The following L3MBTL3 variants were observed in gnomAD, a reference collection of about 807,000 sequenced individuals.
L3MBTL3 encodes the protein lethal(3)malignant brain tumor-like protein 3.
L3MBTL3 carries 27 observed loss-of-function variants against 102.3 expected under a neutral mutation model. The ratio of observed to expected loss-of-function variants is 0.26; its 90% confidence interval spans 0.19 to 0.36. The LOEUF is 0.36. L3MBTL3 is among the 10% of genes least tolerant of loss of function. L3MBTL3 has a pLI of 1.00. For missense variants in L3MBTL3, 798 were observed against 955.3 expected (o/e 0.84, Z 2.17); for synonymous variants, 340 against 320.9 (o/e 1.06, Z -0.64).
chr6:130,075,787 C>T (rs193259466), intron 13 of L3MBTL3, among the ~76,000 whole-genome samples: 9 of 152,176 alleles, frequency 5.9e-5, no homozygotes, highest in Non-Finnish European at 1.3e-4. Context: ...GGCACCAAGT[C>T]TCCTAGGAGC....
chr6:130,078,385 T>C (rs565832085), intron 13 of L3MBTL3, among the ~76,000 whole-genome samples, 173 bp from the exon 14 acceptor site: 1 of 152,294 alleles, frequency 6.6e-6, no homozygotes, highest in South Asian at 2.1e-4. Flanking sequence ...AAAATCCACT[T>C]GGTATTAATA....
chr6:130,054,942 G>A (rs1318917345), intron 7 of L3MBTL3: 3 of 467,468 alleles, frequency 6.4e-6, no homozygotes, highest in East Asian at 4.3e-5. Flanking sequence ...AGCGGGGAGC[G>A]GTGTCCATGC....
chr6:130,050,695 G>A (rs7746589), intron 5 of L3MBTL3, among the ~76,000 whole-genome samples: 81,681 of 152,032 alleles, frequency 0.54, 25,381 homozygotes, highest in East Asian at 0.76. Context: ...GAATAAATTG[G>A]TGCCTAATAA....
At chr6:130,080,672 A>G (rs982115080) in intron 14 of L3MBTL3, among the ~76,000 whole-genome samples, 3 of 152,240 alleles carry the variant, frequency 2.0e-5, no homozygotes, top group Admixed American at 6.5e-5. Context: ...GAGAAAAAAA[A>G]AATAGCTTTT....
intron 4 of L3MBTL3, 99 bp from the exon 5 acceptor site, chr6:130,049,657 C>A: frequency 2.2e-6 from 3 of 1,344,482 alleles, no homozygotes; most frequent in Non-Finnish European, 3.2e-6. Flanking sequence ...GTAGCCTACA[C>A]AGGTGATTTA....
chr6:130,029,416 G>A (rs1420327982), intron 2 of L3MBTL3, among the ~76,000 whole-genome samples: 4 of 152,182 alleles, frequency 2.6e-5, no homozygotes, highest in Admixed American at 2.0e-4. Flanking sequence ...ACATGAGGAC[G>A]TTTTTATGCC....
At position 130,139,902 on chromosome 6, in the gene L3MBTL3, A is replaced by G; in HGVS notation, c.*149A>G. 1 of 697,294 alleles carries G rather than the reference A, an allele frequency of 1.4e-6. No individual in the cohort carries two copies. The highest frequency in any genetic ancestry group is 2.4e-6 in the Non-Finnish European group (1 of 421,052). The allele number at this position is 697,294 out of a possible 1,614,324, so 43.2% of individuals were successfully genotyped here. On this transcript the variant is annotated 3_prime_UTR_variant, in exon 23 of 23. Transcript: ENST00000361794. ...TTATTTATATTACTCAAGAGACAAT[A>G]TATATGAATTCTTATGAAAGTGCTT...
intron 14 of L3MBTL3, among the ~76,000 whole-genome samples, chr6:130,081,227 A>G (rs2115096980): frequency 6.6e-6 from 1 of 152,348 alleles, no homozygotes; most frequent in Admixed American, 6.5e-5. Context: ...ATCTCTATTA[A>G]TATTTTAATG....
intron 15 of L3MBTL3, 104 bp downstream of exon 15, chr6:130,083,809 A>G (rs1783510953): frequency 3.9e-6 from 2 of 515,308 alleles, no homozygotes; most frequent in Admixed American, 3.8e-5. Flanking sequence ...GGAATGAGAA[A>G]AAAATAGAGC....
At chr6:130,122,570 A>G (rs1562332413) in intron 20 of L3MBTL3, among the ~76,000 whole-genome samples, 1 of 152,234 alleles carries the variant, frequency 6.6e-6, no homozygotes, top group African/African-American at 2.4e-5. Context: ...GCTTGCTTAG[A>G]ACAGTGCCTG....
intron 20 of L3MBTL3, among the ~76,000 whole-genome samples, chr6:130,123,519 A>G (rs1786383732): frequency 6.6e-6 from 1 of 152,140 alleles, no homozygotes; most frequent in South Asian, 2.1e-4. Flanking sequence ...GTTCTCCTTT[A>G]CTGTCTCATC....
At chr6:130,137,057 T>C (rs932001908) in intron 22 of L3MBTL3, among the ~76,000 whole-genome samples, 1 of 152,272 alleles carries the variant, frequency 6.6e-6, no homozygotes, top group African/African-American at 2.4e-5. Flanking sequence ...TATTCCCTGC[T>C]ATATGTCTAA....
chr6:130,104,650 T>G lies in L3MBTL3; in HGVS notation c.1886+75T>G, dbSNP rs1784882985. ...GAGATTTTTTATCTTTTAGATATTTTATTTCCTATAGCAATGTTTTCTTGG... is the reference window on the plus strand; with the variant it reads ...GAGATTTTTTATCTTTTAGATATTTGATTTCCTATAGCAATGTTTTCTTGG... On this transcript the variant is annotated intron_variant, in intron 19 of 22. Coordinates refer to ENST00000361794, the MANE Select transcript of L3MBTL3 (RefSeq NM_032438.4). The G allele has an allele frequency of 2.7e-6, 3 of 1,092,228 alleles. No homozygotes were observed. The Admixed American group carries it at 9.0e-5, about 33-fold the overall frequency. The allele number at this position is 1,092,228 out of a possible 1,614,324, so 67.7% of individuals were successfully genotyped here. A position where few individuals can be genotyped will look rare whatever the true frequency, so the allele number is the denominator to read the frequency against.
intron 2 of L3MBTL3, among the ~76,000 whole-genome samples, chr6:130,024,663 AGGAT>A (rs1779223577): frequency 6.6e-6 from 1 of 152,180 alleles, no homozygotes; most frequent in Non-Finnish European, 1.5e-5. Context: ...TGGCATCCCA[AGGAT>A]GGATAACTTG....
At chr6:130,089,580 C>T (rs1783907261) in intron 16 of L3MBTL3, among the ~76,000 whole-genome samples, 1 of 152,044 alleles carries the variant, frequency 6.6e-6, no homozygotes, top group Non-Finnish European at 1.5e-5. Flanking sequence ...GGGTATATAT[C>T]CAGTAATGAG....
chr6:130,058,289 A>G (rs943092321), intron 9 of L3MBTL3, among the ~76,000 whole-genome samples: 2 of 152,192 alleles, frequency 1.3e-5, no homozygotes, highest in African/African-American at 2.4e-5. Context: ...TCAGTTAACA[A>G]TATAGATATC....
intron 2 of L3MBTL3, among the ~76,000 whole-genome samples, chr6:130,036,587 A>G (rs552684631): frequency 8.5e-5 from 13 of 152,324 alleles, no homozygotes; most frequent in African/African-American, 2.9e-4. Flanking sequence ...GCTTTTAGAT[A>G]TCTGCTACTT....
chr6:130,135,984 G>A (rs1436488315), intron 22 of L3MBTL3, among the ~76,000 whole-genome samples: 1 of 152,190 alleles, frequency 6.6e-6, no homozygotes, highest in Non-Finnish European at 1.5e-5. Flanking sequence ...CAGATAGGCT[G>A]TTGTTGGAAA....
intron 12 of L3MBTL3, among the ~76,000 whole-genome samples, chr6:130,068,706 A>AT (rs1380508034): frequency 6.6e-6 from 1 of 152,160 alleles, no homozygotes. Flanking sequence ...ATTGGCTGAG[A>AT]TATTTTATTG....
Sources: allele counts gnomAD v4.1 joint callset (sites outside exome capture counted in the v4.1 genomes callset), GRCh38; gene constraint gnomAD v4.1.1; transcripts MANE v1.5; gene names NCBI Gene and HGNC (gene_info 2026-07-23, HGNC 2026-07-21).